TENM3: variants seen among roughly 807,000 people sequenced by gnomAD.
The protein encoded by TENM3 is teneurin-3.
In TENM3, 63 loss-of-function variants were observed where a neutral mutation model predicts 255.1. The ratio of observed to expected loss-of-function variants is 0.25; its 90% CI spans 0.20 to 0.30. TENM3 has a LOEUF of 0.30. Ranked by LOEUF, TENM3 falls within the 10% of genes least tolerant of loss-of-function variation. TENM3 has a pLI of 1.00. For missense variants in TENM3, 2,929 were observed against 3,461.1 expected, an observed-to-expected ratio of 0.85 and a Z score of 3.86; for synonymous variants, 1,306 against 1,322.3, an observed-to-expected ratio of 0.99 and a Z score of 0.27.
chr4:181,574,404 G>A, the TENM3 span, among the ~76,000 whole-genome samples: 27 of 151,784 alleles, frequency 1.8e-4, 1 homozygote, highest in Non-Finnish European at 2.6e-4. Context: ...GGTGGCGGGC[G>A]CCTGTAGTCC....
intron 1 of TENM3, among the ~76,000 whole-genome samples, chr4:182,216,771 T>C (rs1755498051): frequency 6.6e-6 from 1 of 152,186 alleles, no homozygotes; most frequent in South Asian, 2.1e-4. Flanking sequence ...AGTGATGATT[T>C]CTCATTCACT....
the TENM3 span, among the ~76,000 whole-genome samples, chr4:181,900,981 C>T: frequency 8.5e-5 from 13 of 152,148 alleles, no homozygotes; most frequent in East Asian, 7.7e-4. Context: ...GGTAGACTTC[C>T]GTATTTTTAA....
intron 6 of TENM3, among the ~76,000 whole-genome samples, chr4:182,658,273 T>A (rs2152524369): frequency 6.6e-6 from 1 of 152,326 alleles, no homozygotes; most frequent in Admixed American, 6.5e-5. Flanking sequence ...TCTCCCTGAC[T>A]GTTTTGGCAA....
rs1326887855 is a variant in TENM3 at position 182,161,771 on chromosome 4, A to G, written c.-76+17017A>G. Among the ~76,000 whole-genome samples the G allele has an allele frequency of 3.8e-3, 12 of 3,138 alleles. 3 individuals are homozygous for G. Among genetic ancestry groups the G allele is most frequent in the Admixed American group, 7.0e-3 (2 of 284 alleles). The allele number at this position is 3,138 out of a possible 152,430, so 2.1% of individuals were successfully genotyped here. On this transcript the variant is annotated intron_variant, in intron 1 of 2. Transcript: ENST00000512480. Reference sequence around the variant, plus strand: ...TGTATATATATACATATATATGTGTATATATATATACACAAATATATGTAT... The same window carrying G: ...TGTATATATATACATATATATGTGTGTATATATATACACAAATATATGTAT...
chr4:182,270,098 G>T (rs1376458438), intron 1 of TENM3, among the ~76,000 whole-genome samples: 2 of 152,178 alleles, frequency 1.3e-5, no homozygotes, highest in Admixed American at 1.3e-4. Flanking sequence ...CCTGAGTTAA[G>T]ATAAGGGGGG....
the TENM3 span, among the ~76,000 whole-genome samples, chr4:181,986,325 G>T: frequency 6.6e-6 from 1 of 151,792 alleles, no homozygotes; most frequent in African/African-American, 2.4e-5. Context: ...TTCTGTGTGT[G>T]TTCCTGATGC....
chr4:182,620,651 A>G (rs1750033151), intron 4 of TENM3, among the ~76,000 whole-genome samples: 2 of 152,366 alleles, frequency 1.3e-5, no homozygotes, highest in South Asian at 2.1e-4. Flanking sequence ...CAGTTTAAAC[A>G]ATCTTTACTA....
chr4:182,470,915 T>C (rs1181822983), intron 3 of TENM3, among the ~76,000 whole-genome samples: 1 of 152,202 alleles, frequency 6.6e-6, no homozygotes, highest in Non-Finnish European at 1.5e-5. Flanking sequence ...GGAAATTAGA[T>C]TTGTTGCAAT....
At chr4:182,274,315 G>A (rs1759846570) in intron 1 of TENM3, among the ~76,000 whole-genome samples, 1 of 152,160 alleles carries the variant, frequency 6.6e-6, no homozygotes, top group Admixed American at 6.5e-5. Flanking sequence ...AGGACGGAGA[G>A]GCCTCCTAAT....
chr4:182,423,228 T>C (rs1274458852), intron 3 of TENM3, among the ~76,000 whole-genome samples: 1 of 152,204 alleles, frequency 6.6e-6, no homozygotes, highest in Non-Finnish European at 1.5e-5. Context: ...TTCGGAGGTC[T>C]GCTCAGGTTG....
intron 4 of TENM3, among the ~76,000 whole-genome samples, chr4:182,615,890 AT>A (rs1749467171): frequency 6.6e-6 from 1 of 152,170 alleles, no homozygotes; most frequent in African/African-American, 2.4e-5. Flanking sequence ...TCTTGAATTG[AT>A]TTTCTGATTT....
the TENM3 span, among the ~76,000 whole-genome samples, chr4:181,472,413 C>A: frequency 6.6e-6 from 1 of 152,060 alleles, no homozygotes; most frequent in African/African-American, 2.4e-5. Context: ...CAAAGGTATT[C>A]CCCTTACTTC....
intron 16 of TENM3, among the ~76,000 whole-genome samples, chr4:182,732,442 C>G (rs980224816): frequency 6.6e-6 from 1 of 152,250 alleles, no homozygotes; most frequent in African/African-American, 2.4e-5. Flanking sequence ...TTCGTTTCAT[C>G]TACTGAAATA....
At chr4:181,593,472 C>T in the TENM3 span, among the ~76,000 whole-genome samples, 9,368 of 152,156 alleles carry the variant, frequency 0.062, 996 homozygotes, top group African/African-American at 0.21. Flanking sequence ...TCTAAGGCAA[C>T]GCTGCTTTGT....
chr4:182,634,707 T>TAAAAAAAAAAAAAA (rs11395245), intron 5 of TENM3, among the ~76,000 whole-genome samples: 1 of 116,416 alleles, frequency 8.6e-6, no homozygotes, highest in Non-Finnish European at 1.8e-5. Flanking sequence ...ACTCTGAAAT[T>TAAAAAAAAAAAAAA]AAAAAAAAAA....
chr4:181,952,094 G>A, the TENM3 span, among the ~76,000 whole-genome samples: 1 of 152,182 alleles, frequency 6.6e-6, no homozygotes, highest in Admixed American at 6.5e-5. Context: ...TGCCTGTCGT[G>A]AATAAAGCAA....
At chr4:182,185,046 G>A (rs1753064502) in intron 1 of TENM3, among the ~76,000 whole-genome samples, 1 of 151,356 alleles carries the variant, frequency 6.6e-6, no homozygotes, top group African/African-American at 2.4e-5. Context: ...CTGCGCTACT[G>A]CACTCCAGCC....
chr4:182,180,662 G>A (rs1180591867), intron 1 of TENM3, among the ~76,000 whole-genome samples: 1 of 146,234 alleles, frequency 6.8e-6, no homozygotes, highest in Admixed American at 6.9e-5. Flanking sequence ...TTTTTGTAGA[G>A]ACAGGGTCTC....
chr4:182,148,265 G>A (rs958225128), intron 1 of TENM3, among the ~76,000 whole-genome samples: 1 of 152,074 alleles, frequency 6.6e-6, no homozygotes, highest in African/African-American at 2.4e-5. Flanking sequence ...TTATTATGTA[G>A]AATTAACTTG....
Sources: gnomAD v4.1 joint callset for allele counts (sites outside exome capture counted in the v4.1 genomes callset) on GRCh38, gnomAD v4.1.1 for gene constraint, MANE v1.5 for transcripts, NCBI Gene and HGNC (gene_info 2026-07-23, HGNC 2026-07-21) for gene names.